CKAP5: variants seen among roughly 807,000 people sequenced by gnomAD.
The protein encoded by CKAP5 is cytoskeleton associated protein 5, also known as cytoskeleton-associated protein 5.
A neutral mutation model predicts 232.8 loss-of-function variants in CKAP5; 27 were observed. The ratio of observed to expected loss-of-function variants is 0.12; its 90% CI spans 0.09 to 0.16. CKAP5 has a LOEUF of 0.16. Ranked by LOEUF, CKAP5 falls within the 10% of genes least tolerant of loss-of-function variation. The probability of loss-of-function intolerance (pLI) is 1.00; values close to 1 mark genes in which losing one functional copy is unlikely to be tolerated. For synonymous variants in CKAP5, 785 were observed against 841.1 expected (o/e 0.93, Z 1.16); for missense variants, 1,838 against 2,424.7 (o/e 0.76, Z 5.08).
chr11:46,784,411 A>G (rs1592455609), intron 17 of CKAP5, 77 bp downstream of exon 17: 2 of 1,155,442 alleles, frequency 1.7e-6, no homozygotes, highest in Admixed American at 4.6e-5. Flanking sequence ...GATAAAAACT[A>G]ATGTTTAATT....
At chr11:46,830,298 G>A (rs1007046177) in intron 1 of CKAP5, among the ~76,000 whole-genome samples, 8 of 151,864 alleles carry the variant, frequency 5.3e-5, no homozygotes, top group African/African-American at 9.7e-5. Flanking sequence ...AAAATTAGCC[G>A]GGCGTGGTGG....
At chr11:46,777,767 A>C (rs2065304035) in intron 22 of CKAP5, among the ~76,000 whole-genome samples, 1 of 152,346 alleles carries the variant, frequency 6.6e-6, no homozygotes, top group African/African-American at 2.4e-5. Flanking sequence ...AGATTATCAG[A>C]ATTTTAGACC....
intron 32 of CKAP5, 83 bp downstream of exon 32, chr11:46,761,917 T>G: frequency 8.7e-7 from 1 of 1,143,024 alleles, no homozygotes; most frequent in Non-Finnish European, 1.3e-6. Context: ...TTAGCTACAG[T>G]TGAGAGGACA....
intron 24 of CKAP5, among the ~76,000 whole-genome samples, chr11:46,771,935 T>G (rs554448691): frequency 1.2e-4 from 19 of 152,332 alleles, no homozygotes; most frequent in African/African-American, 4.6e-4. Context: ...CATTTCACGT[T>G]ACCATTATTT....
intron 26 of CKAP5, among the ~76,000 whole-genome samples, chr11:46,768,942 C>CA (rs985272555): frequency 4.6e-5 from 7 of 150,540 alleles, no homozygotes; most frequent in African/African-American, 1.7e-4. Context: ...TATTTTGAGA[C>CA]AGAGTCTTGC....
chr11:46,755,488 T>C (rs2065103796), intron 35 of CKAP5, among the ~76,000 whole-genome samples: 1 of 151,790 alleles, frequency 6.6e-6, no homozygotes, highest in South Asian at 2.1e-4. Context: ...ATTACAGGCG[T>C]GAGCCACCGC....
chr11:46,744,589 A>G lies in CKAP5; in HGVS notation c.5705-12T>C, dbSNP rs1296202406. On this transcript the variant is annotated splice_polypyrimidine_tract_variant and intron_variant, in intron 42 of 43. Coordinates refer to ENST00000529230, the MANE Select transcript of CKAP5 (RefSeq NM_001008938.4). ...CTGAGGGGAGATGCCTAGAGGGGAA[A>G]AAGTAGAAAGAATATTCAGATATCC... The G allele has an allele frequency of 6.2e-7, 1 of 1,612,536 alleles. No homozygotes were observed. The highest frequency in any genetic ancestry group is 1.3e-5 in the African/African-American group (1 of 75,000).
chr11:46,805,160 G>C (rs142337556), intron 8 of CKAP5, among the ~76,000 whole-genome samples: 3 of 152,122 alleles, frequency 2.0e-5, no homozygotes, highest in Admixed American at 2.0e-4. Flanking sequence ...GCTTGAACTC[G>C]GGAGATGGAG....
intron 15 of CKAP5, among the ~76,000 whole-genome samples, chr11:46,789,237 C>T (rs1438715288): frequency 1.3e-5 from 2 of 152,210 alleles, no homozygotes; most frequent in East Asian, 1.9e-4. Flanking sequence ...CAGGACTAGA[C>T]GGCTTCTGCC....
intron 27 of CKAP5, 99 bp downstream of exon 27, chr11:46,767,476 G>T (rs761589970): frequency 1.4e-6 from 1 of 690,628 alleles, no homozygotes; most frequent in Non-Finnish European, 2.4e-6. Flanking sequence ...CAGCAGTGAT[G>T]TTCTTTTATA....
At chr11:46,757,926 C>A (rs1311971965) in intron 35 of CKAP5, among the ~76,000 whole-genome samples, 1 of 145,792 alleles carries the variant, frequency 6.9e-6, no homozygotes, top group Non-Finnish European at 1.5e-5. Flanking sequence ...CTCACTCTGT[C>A]ACCCAGGCTG....
In CKAP5 at chr11:46,746,153, T is replaced by C. The variant is rs550965539; in HGVS notation, c.5705-1576A>G. ...TTTGACAGGCAAACACATTCTCAAA[T>C]GTAAGAGTAGGTGAATGTCACTAAA... On this transcript the variant is annotated intron_variant, in intron 42 of 43. Transcript: ENST00000529230. Among the ~76,000 whole-genome samples, 319 of 152,194 alleles carry C rather than the reference T, an allele frequency of 2.1e-3. 1 individual carries two copies. Among genetic ancestry groups the C allele is most frequent in the Non-Finnish European group, 3.9e-3 (268 of 68,022 alleles).
chr11:46,750,081 C>A lies in CKAP5; in HGVS notation c.5704+193G>T, dbSNP rs114389805. On this transcript the variant is annotated intron_variant, in intron 42 of 43. Transcript: ENST00000529230. ...TCAAGGGCAGGGAACAATTTATTTA[C>A]CATTGTCAAATACTGATGATGGGTC... 5.3e-3 allele frequency among the ~76,000 whole-genome samples: 801 copies of A among 152,262 alleles called. 7 individuals are homozygous for A. Among genetic ancestry groups the A allele is most frequent in the African/African-American group, 0.018 (761 of 41,538 alleles).
At chr11:46,842,193 A>G (rs1940070276) in intron 1 of CKAP5, among the ~76,000 whole-genome samples, 1 of 152,150 alleles carries the variant, frequency 6.6e-6, no homozygotes, top group Non-Finnish European at 1.5e-5. Context: ...GGGACAACAG[A>G]AAGTGCTTCT....
Position 46,776,919 on chromosome 11 carries a change from TG to T in CKAP5, c.2862+519del, listed in dbSNP as rs564572663. On this transcript the variant is annotated intron_variant, in intron 23 of 43. Coordinates refer to ENST00000529230, the MANE Select transcript of CKAP5 (RefSeq NM_001008938.4). ...AAATATTTAGTCTACGGCTAAACAT[TG>T]TAACCTTCAATGATATTTCAGTGAC... Among the ~76,000 whole-genome samples the T allele has an allele frequency of 2.3e-4, 35 of 152,268 alleles. No individual in the cohort carries two copies. The South Asian group carries it at 7.2e-3, about 32-fold the overall frequency.
chr11:46,822,741 C>CAAAA (rs57170422), intron 1 of CKAP5, among the ~76,000 whole-genome samples: 7 of 77,838 alleles, frequency 9.0e-5, no homozygotes, highest in African/African-American at 2.5e-4. Flanking sequence ...GACTCCGTCC[C>CAAAA]AAAAAAAAAA....
intron 11 of CKAP5, among the ~76,000 whole-genome samples, chr11:46,797,390 C>A (rs1347063554): frequency 3.6e-5 from 5 of 137,720 alleles, no homozygotes; most frequent in Admixed American, 7.8e-5. Context: ...ACAACAACAA[C>A]AAAAAAAAAA....
Position 46,833,624 on chromosome 11 carries a change from G to A in CKAP5, c.-37-12356C>T, listed in dbSNP as rs186630391. 2.1e-3 allele frequency among the ~76,000 whole-genome samples: 314 copies of A among 151,530 alleles called. 1 individual carries two copies. The highest frequency in any genetic ancestry group is 6.8e-3 in the African/African-American group (282 of 41,298). ...CTCCCAAGTAGCTGGGACTACAGGC[G>A]TCTGCCACCATGCCCGGCTAATTTT... On this transcript the variant is annotated intron_variant, in intron 1 of 43. Coordinates refer to ENST00000529230, the MANE Select transcript of CKAP5 (RefSeq NM_001008938.4).
At chr11:46,759,517 G>A in intron 33 of CKAP5, 75 bp from the exon 34 acceptor site, 6 of 1,427,042 alleles carry the variant, frequency 4.2e-6, no homozygotes, top group Non-Finnish European at 5.7e-6. Context: ...ACTGTCAGTT[G>A]CCCCAAAGCT....
Sources: gnomAD v4.1 joint callset for allele counts (sites outside exome capture counted in the v4.1 genomes callset) on GRCh38, gnomAD v4.1.1 for gene constraint, MANE v1.5 for transcripts, NCBI Gene and HGNC (gene_info 2026-07-23, HGNC 2026-07-21) for gene names.